The following SLC10A2 variants were observed in gnomAD, a reference collection of about 807,000 sequenced individuals.
The protein encoded by SLC10A2 is solute carrier family 10 member 2.
Under a neutral mutation model 27.1 loss-of-function variants are expected in SLC10A2, and 34 were observed. The observed-to-expected ratio is 1.26, with a 90% confidence interval of 0.96 to 1.67. SLC10A2 has a LOEUF of 1.67. Among genes scored for constraint, SLC10A2 ranks in the 40% most tolerant of loss-of-function variants. The pLI is 0.00. For missense variants in SLC10A2, 530 were observed against 444.4 expected (o/e 1.19, Z -1.73); for synonymous variants, 205 against 174.0 (o/e 1.18, Z -1.40).
intron 1 of SLC10A2, among the ~76,000 whole-genome samples, chr13:103,063,245 A>G (rs1191427288): frequency 6.6e-6 from 1 of 152,188 alleles, no homozygotes; most frequent in African/African-American, 2.4e-5. Context: ...AGAGATTGCA[A>G]AATGCGGTGG....
chr13:103,052,494 C>A (rs1875814164), intron 3 of SLC10A2, 126 bp downstream of exon 3: 7 of 748,358 alleles, frequency 9.4e-6, no homozygotes, highest in Admixed American at 5.7e-5. Flanking sequence ...GACTGCATGG[C>A]TAATGACTTC....
rs1875541915 is a variant in SLC10A2 at position 103,044,239 on chromosome 13, C to T, written c.*1894G>A. On this transcript the variant is annotated 3_prime_UTR_variant, in exon 6 of 6. Transcript: ENST00000245312. The stretch of plus-strand genomic sequence containing the variant: ...TCCTATCTTGCTCACCTGTCTTGCT[C>T]AACAGGGAGGAAAAACCTGCTTGCT... The T allele has an allele frequency of 6.6e-6, 1 of 152,182 alleles. No individual in the cohort carries two copies. 9.4% of individuals were successfully genotyped at this position (152,182 alleles called of 1,614,324 possible). A position where few individuals can be genotyped will look rare whatever the true frequency, so the allele number is the denominator to read the frequency against.
intron 2 of SLC10A2, among the ~76,000 whole-genome samples, chr13:103,054,910 C>T (rs1875897699): frequency 4.6e-5 from 7 of 152,062 alleles, no homozygotes; most frequent in South Asian, 4.2e-4. Flanking sequence ...CTGTAAAGTG[C>T]CTGTCTATGT....
chr13:103,053,539 C>G (rs1297278180), intron 2 of SLC10A2, among the ~76,000 whole-genome samples: 4 of 152,138 alleles, frequency 2.6e-5, no homozygotes, highest in Non-Finnish European at 5.9e-5. Flanking sequence ...TAATTTAGCA[C>G]CAACAACTTC....
chr13:103,061,846 C>T (rs545527858), intron 1 of SLC10A2, among the ~76,000 whole-genome samples: 4 of 151,848 alleles, frequency 2.6e-5, no homozygotes, highest in East Asian at 1.9e-4. Context: ...TCACAGATAA[C>T]GAATTTTAAG....
At chr13:103,057,495 T>C (rs1875974629) in intron 2 of SLC10A2, among the ~76,000 whole-genome samples, 1 of 152,228 alleles carries the variant, frequency 6.6e-6, no homozygotes, top group Non-Finnish European at 1.5e-5. Context: ...CAGTCGAGTG[T>C]TAGAAACAGT....
rs771130502 is a variant in SLC10A2 at position 103,058,348 on chromosome 13, G to A, written c.412C>T (p.Leu138Phe). 78 of 1,613,684 alleles carry A rather than the reference G, an allele frequency of 4.8e-5. No individual in the cohort carries two copies. The highest frequency in any genetic ancestry group is 6.5e-5 in the Non-Finnish European group (77 of 1,179,734). ...AGGAGGCACAGCGGCATCATTCCGAGGGCAAGCAGTGTGGAGCATGTGGTC... is the reference window on the plus strand; with the variant it reads ...AGGAGGCACAGCGGCATCATTCCGAAGGCAAGCAGTGTGGAGCATGTGGTC... ...SMTTCSTLLA[L>F]GMMPLCLLIY... Residue 138 changes from leucine to phenylalanine, a missense_variant, in exon 2 of 6, where the codon CTC becomes TTC. Leu to Phe is a conservative substitution (Grantham distance 22, BLOSUM62 0). Coordinates refer to ENST00000245312, the MANE Select transcript of SLC10A2 (RefSeq NM_000452.3).
intron 2 of SLC10A2, among the ~76,000 whole-genome samples, chr13:103,056,159 C>T (rs537114956): frequency 4.6e-5 from 7 of 152,222 alleles, no homozygotes; most frequent in Non-Finnish European, 8.8e-5. Context: ...GAGGAGCACT[C>T]TTTCTGCAGA....
intron 2 of SLC10A2, among the ~76,000 whole-genome samples, chr13:103,057,791 A>C (rs954144410): frequency 3.3e-5 from 5 of 151,900 alleles, no homozygotes; most frequent in Admixed American, 2.0e-4. Flanking sequence ...AGGCAGGAGA[A>C]TTGCTTGAAC....
chr13:103,057,556 T>G (rs1875976082), intron 2 of SLC10A2, among the ~76,000 whole-genome samples: 1 of 152,182 alleles, frequency 6.6e-6, no homozygotes, highest in African/African-American at 2.4e-5. Flanking sequence ...GCTTACTCAG[T>G]GCTCTATTTT....
Position 103,052,689 on chromosome 13 carries a change from G to C in SLC10A2, c.516C>G (p.Leu172=), listed in dbSNP as rs114146899. Reference sequence around the variant, plus strand: ...ACATTCCAATGGAAACAGGAACAACGAGAGAAACCAGAGATGTACCTAAAG... The same window carrying C: ...ACATTCCAATGGAAACAGGAACAACCAGAGAAACCAGAGATGTACCTAAAG... ...YDNIGTSLVS[L]VVPVSIGMFV... Residue 172 remains leucine (L), a synonymous_variant, in exon 3 of 6, where the codon CTC becomes CTG. Coordinates refer to ENST00000245312, the MANE Select transcript of SLC10A2 (RefSeq NM_000452.3). 6.2e-7 allele frequency: 1 copy of C among 1,606,890 alleles called. No homozygotes were observed. Among genetic ancestry groups the C allele is most frequent in the South Asian group, 1.1e-5 (1 of 90,950 alleles).
chr13:103,058,457 A>G, intron 1 of SLC10A2, 75 bp from the exon 2 acceptor site: 1 of 906,166 alleles, frequency 1.1e-6, no homozygotes. Context: ...TTTATTTTTT[A>G]ATTTAACTTT....
chr13:103,061,080 T>C (rs80211439), intron 1 of SLC10A2, among the ~76,000 whole-genome samples: 3,011 of 152,310 alleles, frequency 0.02, 45 homozygotes, highest in South Asian at 0.073. Context: ...ATAATTTAGA[T>C]AAAAATACTT....
chr13:103,049,404 C>A lies in SLC10A2; in HGVS notation c.804G>T (p.Gln268His). 3 of 1,614,016 alleles carry A rather than the reference C, an allele frequency of 1.9e-6. No homozygotes were observed. The highest frequency in any genetic ancestry group is 2.5e-6 in the Non-Finnish European group (3 of 1,179,956). The change falls in exon 5 of 6, where the codon CAG (glutamine) becomes CAT (histidine). Residue 268 changes from glutamine to histidine, a missense_variant. Physicochemically the swap from Gln to His is conservative, Grantham distance 24. Coordinates refer to ENST00000245312, the MANE Select transcript of SLC10A2 (RefSeq NM_000452.3). ...VAFETGMQNT[Q>H]LCSTIVQLSF... is the part of the protein sequence containing the mutation. ...AGAGCTGAACGATGGTGGAACATAG[C>A]TGCGTGTTCTGCATCCCCGTTTCAA...
Position 103,045,711 on chromosome 13 carries a change from G to T in SLC10A2, c.*422C>A, listed in dbSNP as rs1875587841. 2 of 156,456 alleles carry T rather than the reference G, an allele frequency of 1.3e-5. No individual in the cohort carries two copies. Among genetic ancestry groups the T allele is most frequent in the African/African-American group, 4.8e-5 (2 of 41,400 alleles). The allele number at this position is 156,456 out of a possible 1,614,324, so 9.7% of individuals were successfully genotyped here. On this transcript the variant is annotated 3_prime_UTR_variant, in exon 6 of 6. Transcript: ENST00000245312. ...AATCATAAACACTGAAGAAAATCGTGACCACTGTAATAATAATAATTCATT... is the reference window on the plus strand; with the variant it reads ...AATCATAAACACTGAAGAAAATCGTTACCACTGTAATAATAATAATTCATT...
intron 2 of SLC10A2, 110 bp downstream of exon 2, chr13:103,058,154 C>G (rs1875993812): frequency 1.3e-6 from 1 of 788,686 alleles, no homozygotes; most frequent in Non-Finnish European, 2.3e-6. Flanking sequence ...CAGGCAAAAA[C>G]TCCTACTAGG....
intron 3 of SLC10A2, among the ~76,000 whole-genome samples, chr13:103,052,258 C>A (rs279936): frequency 0.88 from 134,113 of 152,188 alleles, 59,258 homozygotes; most frequent in African/African-American, 0.93. Context: ...ATAGAGTAAA[C>A]CCAAGAGGTG....
intron 4 of SLC10A2, 106 bp downstream of exon 4, chr13:103,051,151 T>G: frequency 9.2e-7 from 1 of 1,091,512 alleles, no homozygotes; most frequent in Non-Finnish European, 1.4e-6. Context: ...AAGTGTCTGT[T>G]GTTTAAGCCA....
At position 103,045,819 on chromosome 13, in the gene SLC10A2, G is replaced by A. The variant is rs1032041306; in HGVS notation, c.*314C>T. ...ATAAGAATTCAGTTTTGGTGTTAAA[G>A]ATGTTTTCATTCTCGGTGTTCCCTA... is the stretch of plus-strand genomic sequence containing the variant. On this transcript the variant is annotated 3_prime_UTR_variant, in exon 6 of 6. Transcript: ENST00000245312. 4.7e-5 allele frequency: 10 copies of A among 212,864 alleles called. No individual in the cohort carries two copies. The South Asian group carries it at 5.0e-4, about 11-fold the overall frequency. The allele number at this position is 212,864 out of a possible 1,614,324, so 13.2% of individuals were successfully genotyped here. A position where few individuals can be genotyped will look rare whatever the true frequency, so the allele number is the denominator to read the frequency against.
Sources: gnomAD v4.1 joint callset for allele counts (sites outside exome capture counted in the v4.1 genomes callset) on GRCh38, gnomAD v4.1.1 for gene constraint, MANE v1.5 for transcripts, NCBI Gene and HGNC (gene_info 2026-07-23, HGNC 2026-07-21) for gene names.